Variants in ST3GAL2 observed in about 807,000 individuals in gnomAD.
The protein encoded by ST3GAL2 is CMP-N-acetylneuraminate-beta-galactosamide-alpha-2,3-sialyltransferase 2.
Under a neutral mutation model 37.5 loss-of-function variants are expected in ST3GAL2, and 16 were observed. The ratio of observed to expected loss-of-function variants is 0.43; its 90% CI spans 0.29 to 0.65. ST3GAL2 has a LOEUF of 0.65. ST3GAL2 is among the 30% of genes least tolerant of loss of function. ST3GAL2 has a pLI of 0.17. For missense variants in ST3GAL2, 383 were observed against 487.8 expected, an observed-to-expected ratio of 0.79 and a Z score of 2.02; for synonymous variants, 238 against 202.9, an observed-to-expected ratio of 1.17 and a Z score of -1.47.
At chr16:70,421,161 A>C (rs182277557) in intron 1 of ST3GAL2, among the ~76,000 whole-genome samples, 2 of 152,196 alleles carry the variant, frequency 1.3e-5, no homozygotes, top group South Asian at 2.1e-4. Flanking sequence ...ACCTGCCTTC[A>C]TGGTCCCGAG....
At chr16:70,408,821 A>G (rs1201088915) in intron 1 of ST3GAL2, among the ~76,000 whole-genome samples, 1 of 143,272 alleles carries the variant, frequency 7.0e-6, no homozygotes, top group East Asian at 2.2e-4. Flanking sequence ...ATAAACTGTC[A>G]GTCTTCTCTG....
chr16:70,385,720 T>TC (rs2047438082), intron 4 of ST3GAL2, among the ~76,000 whole-genome samples: 2 of 148,446 alleles, frequency 1.3e-5, no homozygotes, highest in African/African-American at 5.0e-5. Flanking sequence ...TTTTTTTTTT[T>TC]TGAGGCAGAG....
chr16:70,429,717 C>A (rs1288925508), intron 1 of ST3GAL2, among the ~76,000 whole-genome samples: 1 of 143,608 alleles, frequency 7.0e-6, no homozygotes, highest in South Asian at 2.3e-4. Flanking sequence ...TCACGGCTCA[C>A]TGTAACCTCC....
chr16:70,415,528 C>G (rs1463965964), intron 1 of ST3GAL2, among the ~76,000 whole-genome samples: 1 of 151,602 alleles, frequency 6.6e-6, no homozygotes, highest in Non-Finnish European at 1.5e-5. Flanking sequence ...GGGTGTTTCT[C>G]TCTCTCTCCA....
chr16:70,437,105 T>C (rs1226689011), intron 1 of ST3GAL2, among the ~76,000 whole-genome samples: 1 of 152,178 alleles, frequency 6.6e-6, no homozygotes, highest in African/African-American at 2.4e-5. Flanking sequence ...CTCAGAAGCT[T>C]GGCTTTATCT....
At chr16:70,393,203 G>A (rs1252336428) in intron 3 of ST3GAL2, among the ~76,000 whole-genome samples, 3 of 151,574 alleles carry the variant, frequency 2.0e-5, no homozygotes, top group African/African-American at 4.9e-5. Flanking sequence ...TCAGCCTCCC[G>A]AGTAGCTGGG....
intron 1 of ST3GAL2, among the ~76,000 whole-genome samples, chr16:70,437,737 C>T (rs1031661001): frequency 6.6e-6 from 1 of 152,154 alleles, no homozygotes; most frequent in East Asian, 1.9e-4. Context: ...CAAGATGAAG[C>T]TTAGGGGTGT....
intron 1 of ST3GAL2, among the ~76,000 whole-genome samples, chr16:70,436,190 G>A (rs1228084383): frequency 1.5e-5 from 2 of 136,804 alleles, no homozygotes; most frequent in Non-Finnish European, 3.2e-5. Flanking sequence ...CACTTTGGGA[G>A]GCCAAGGCGG....
intron 1 of ST3GAL2, among the ~76,000 whole-genome samples, chr16:70,414,124 C>T (rs16970149): frequency 0.08 from 12,252 of 152,262 alleles, 1,639 homozygotes; most frequent in African/African-American, 0.28. Context: ...CAGTGCCATC[C>T]TGACTGGATG....
At chr16:70,386,694 A>G (rs1567665793) in intron 4 of ST3GAL2, among the ~76,000 whole-genome samples, 1 of 151,820 alleles carries the variant, frequency 6.6e-6, no homozygotes, top group Admixed American at 6.6e-5. Context: ...TGCCCAGGCT[A>G]GAGTGCAATG....
intron 6 of ST3GAL2, among the ~76,000 whole-genome samples, chr16:70,382,573 C>A (rs867833030): frequency 2.6e-5 from 4 of 152,190 alleles, no homozygotes; most frequent in Non-Finnish European, 5.9e-5. Context: ...CGTCAGCCAC[C>A]GCGCACGGCC....
chr16:70,421,975 G>GC (rs1567676093), intron 1 of ST3GAL2, among the ~76,000 whole-genome samples: 1 of 152,082 alleles, frequency 6.6e-6, no homozygotes, highest in African/African-American at 2.4e-5. Flanking sequence ...TTGCTATGCT[G>GC]CCCAGGCTGG....
At chr16:70,437,483 G>A (rs1232009308) in intron 1 of ST3GAL2, among the ~76,000 whole-genome samples, 1 of 150,218 alleles carries the variant, frequency 6.7e-6, no homozygotes, top group African/African-American at 2.5e-5. Flanking sequence ...TAGAATGGAT[G>A]ACTATCCCCC....
At chr16:70,413,502 G>T (rs2047653519) in intron 1 of ST3GAL2, among the ~76,000 whole-genome samples, 1 of 147,236 alleles carries the variant, frequency 6.8e-6, no homozygotes, top group Admixed American at 6.8e-5. Flanking sequence ...GATCACCTGA[G>T]GTCAGGAGTT....
chr16:70,381,628 G>T lies in ST3GAL2; in HGVS notation c.*61C>A. The T allele has an allele frequency of 6.3e-7, 1 of 1,577,184 alleles. No individual in the cohort carries two copies. Among genetic ancestry groups the T allele is most frequent in the Non-Finnish European group, 8.6e-7 (1 of 1,162,256 alleles). On this transcript the variant is annotated 3_prime_UTR_variant, in exon 7 of 7. Transcript: ENST00000342907. ...ATTGGTCGCGGGTTGCTGGTCCTGGGTCCCGGGCCGGAGCCCCGGTGCCCG... is the reference window on the plus strand; with the variant it reads ...ATTGGTCGCGGGTTGCTGGTCCTGGTTCCCGGGCCGGAGCCCCGGTGCCCG...
At position 70,383,179 on chromosome 16, in the gene ST3GAL2, G is replaced by T; in HGVS notation, c.759+11C>A. 6.2e-7 allele frequency: 1 copy of T among 1,612,610 alleles called. No individual in the cohort carries two copies. Among genetic ancestry groups the T allele is most frequent in the Non-Finnish European group, 8.5e-7 (1 of 1,179,658 alleles). On this transcript the variant is annotated intron_variant, in intron 5 of 6. Coordinates refer to ENST00000342907, the MANE Select transcript of ST3GAL2 (RefSeq NM_006927.4). ...GTTTCCACTGAGGTGGGGAAGAAGT[G>T]GGGAGCTTACCTTTTCTTTATCCAC... is the stretch of plus-strand genomic sequence containing the variant.
At chr16:70,388,087 G>A (rs376521895) in intron 4 of ST3GAL2, among the ~76,000 whole-genome samples, 1 of 151,340 alleles carries the variant, frequency 6.6e-6, no homozygotes, top group East Asian at 1.9e-4. Flanking sequence ...ACCCCGGCCT[G>A]GGCAACAAGA....
rs377552131 is a variant in ST3GAL2, at chr16:70,434,063, C to T, written c.-1004+4886G>A. ...TTTCCACTGTAGATCTATTGGTGGA[C>T]TCGTCTTATCCCCCTCCCAGGAACA... On this transcript the variant is annotated intron_variant, in intron 1 of 6. Transcript: ENST00000342907. Among the ~76,000 whole-genome samples the T allele has an allele frequency of 4.6e-5, 7 of 152,258 alleles. No homozygotes were observed. The East Asian group carries it at 1.2e-3, about 25-fold the overall frequency.
In ST3GAL2 at chr16:70,398,495, C is replaced by G; in HGVS notation, c.36G>C (p.Val12=). The G allele has an allele frequency of 1.2e-6, 2 of 1,612,262 alleles. No homozygotes were observed. Among genetic ancestry groups the G allele is most frequent in the Non-Finnish European group, 1.7e-6 (2 of 1,179,628 alleles). Residue 12 remains valine, a synonymous_variant, in exon 2 of 7, where the codon GTG becomes GTC. Transcript: ENST00000342907. The part of the protein sequence containing the change: ...KCSLRVWFLS[V]AFLLVFIMSL... The stretch of plus-strand genomic sequence containing the variant: ...ACATGATGAACACCAGCAGGAAGGC[C>G]ACGGAGAGGAACCACACCCGCAGGG...
Sources: gnomAD v4.1 joint callset for allele counts (sites outside exome capture counted in the v4.1 genomes callset) on GRCh38, gnomAD v4.1.1 for gene constraint, MANE v1.5 for transcripts, NCBI Gene and HGNC (gene_info 2026-07-23, HGNC 2026-07-21) for gene names.